Variants in VPS37A observed in about 807,000 individuals in gnomAD.
VPS37A encodes vacuolar protein sorting-associated protein 37A.
In VPS37A, 30 loss-of-function variants were observed where a neutral mutation model predicts 49.8. The ratio of observed to expected loss-of-function variants is 0.60; its 90% confidence interval spans 0.45 to 0.82. The LOEUF (loss-of-function observed/expected upper bound fraction) is 0.82. Ranked by LOEUF, VPS37A falls within the 40% of genes least tolerant of loss-of-function variation. The pLI, the probability that VPS37A is intolerant of heterozygous loss-of-function variation, is 0.00. For missense variants in VPS37A, 593 were observed against 464.4 expected, an observed-to-expected ratio of 1.28 and a Z score of -2.55; for synonymous variants, 195 against 160.6, an observed-to-expected ratio of 1.21 and a Z score of -1.62.
downstream of VPS37A, among the ~76,000 whole-genome samples, chr8:17,303,086 C>G (rs896208025): frequency 2.0e-5 from 3 of 152,006 alleles, no homozygotes; most frequent in African/African-American, 7.2e-5. Context: ...ACAGAGTTAC[C>G]CTTAGAACCA....
At chr8:17,300,040 G>A (rs1409525471), downstream of VPS37A, 3 of 1,614,010 alleles carry the variant, frequency 1.9e-6, no homozygotes, top group African/African-American at 2.7e-5. Context: ...TAGAATCAGA[G>A]CAGAATCTTC....
downstream of VPS37A, chr8:17,298,784 G>C (rs2246121): frequency 0.32 from 48,528 of 152,430 alleles, 10,241 homozygotes; most frequent in East Asian, 0.61. Context: ...TAAGATAGGG[G>C]AGGGACTCTC....
At chr8:17,247,555 C>A in intron 1 of VPS37A, 186 bp downstream of exon 1, 1 of 816,420 alleles carries the variant, frequency 1.2e-6, no homozygotes, top group Non-Finnish European at 2.0e-6. Flanking sequence ...CCGGACCCTC[C>A]CTGCCTCCTG....
chr8:17,327,152 A>G, the VPS37A span, among the ~76,000 whole-genome samples: 1 of 152,208 alleles, frequency 6.6e-6, no homozygotes, highest in Non-Finnish European at 1.5e-5. Flanking sequence ...CATGGATGCA[A>G]ACTTTTCTAT....
chr8:17,285,956 C>G (rs926907618), intron 10 of VPS37A, among the ~76,000 whole-genome samples: 2 of 152,160 alleles, frequency 1.3e-5, no homozygotes, highest in Non-Finnish European at 2.9e-5. Flanking sequence ...TCAACATTAG[C>G]TATCTTCAAC....
the VPS37A span, chr8:17,313,319 T>G: frequency 1.9e-6 from 3 of 1,612,986 alleles, no homozygotes; most frequent in Non-Finnish European, 2.5e-6. Flanking sequence ...CTGCATCCAT[T>G]ATGGCTTTAA....
At chr8:17,299,043 G>A (rs1319031403), downstream of VPS37A, 5 of 152,156 alleles carry the variant, frequency 3.3e-5, no homozygotes, top group Non-Finnish European at 7.4e-5. Flanking sequence ...AGATCAGGCT[G>A]GTGGCTGGCC....
the VPS37A span, among the ~76,000 whole-genome samples, chr8:17,332,413 T>C: frequency 1.3e-5 from 2 of 152,248 alleles, 1 homozygote; most frequent in South Asian, 4.1e-4. Flanking sequence ...AACCCATGAC[T>C]ATCTCAATAG....
intron 1 of VPS37A, among the ~76,000 whole-genome samples, chr8:17,256,103 A>G (rs1297204426): frequency 6.6e-6 from 1 of 151,580 alleles, no homozygotes; most frequent in Non-Finnish European, 1.5e-5. Flanking sequence ...TCAAGGTTCT[A>G]AAGGTGCAGA....
At chr8:17,267,004 C>G (rs144515271) in intron 2 of VPS37A, among the ~76,000 whole-genome samples, 4,645 of 152,140 alleles carry the variant, frequency 0.031, 113 homozygotes, top group Non-Finnish European at 0.048. Flanking sequence ...AACTCCTGAC[C>G]TCGTGATACA....
the VPS37A span, among the ~76,000 whole-genome samples, chr8:17,314,126 TTTTA>T: frequency 5.9e-5 from 9 of 152,202 alleles, no homozygotes; most frequent in African/African-American, 1.9e-4. Flanking sequence ...CAGGAGCTTC[TTTTA>T]TTTAACGTAA....
At chr8:17,254,956 G>A (rs895143559) in intron 1 of VPS37A, among the ~76,000 whole-genome samples, 5 of 151,982 alleles carry the variant, frequency 3.3e-5, no homozygotes, top group African/African-American at 9.7e-5. Context: ...ACCTATAAAC[G>A]TTACTTGAGT....
intron 4 of VPS37A, among the ~76,000 whole-genome samples, chr8:17,270,429 A>G (rs1222826376): frequency 1.3e-5 from 2 of 152,138 alleles, no homozygotes; most frequent in African/African-American, 2.4e-5. Context: ...TGATACATCT[A>G]TATGTGGCAT....
intron 9 of VPS37A, among the ~76,000 whole-genome samples, chr8:17,283,763 A>C (rs955447924): frequency 2.0e-5 from 3 of 152,184 alleles, no homozygotes; most frequent in Non-Finnish European, 4.4e-5. Context: ...TAGTAACTTG[A>C]CATGAGGAAA....
chr8:17,247,551 C>A, intron 1 of VPS37A, 182 bp downstream of exon 1: 1 of 838,176 alleles, frequency 1.2e-6, no homozygotes, highest in Admixed American at 2.1e-5. Flanking sequence ...TCCTCCGGAC[C>A]CTCCCTGCCT....
chr8:17,248,952 A>G (rs895686159), intron 1 of VPS37A, among the ~76,000 whole-genome samples: 7 of 152,240 alleles, frequency 4.6e-5, no homozygotes, highest in Non-Finnish European at 7.3e-5. Context: ...CTCACAAGGT[A>G]TGCTTATAAA....
At chr8:17,292,243 G>T (rs555068999) in intron 11 of VPS37A, among the ~76,000 whole-genome samples, 12 of 151,930 alleles carry the variant, frequency 7.9e-5, no homozygotes, top group African/African-American at 2.4e-4. Context: ...GTCTTTTTTG[G>T]TTTTTCTTGG....
the VPS37A span, among the ~76,000 whole-genome samples, chr8:17,327,161 A>G: frequency 1.3e-5 from 2 of 152,244 alleles, no homozygotes; most frequent in Non-Finnish European, 2.9e-5. Flanking sequence ...AAACTTTTCT[A>G]TCAAGAAGGT....
intron 11 of VPS37A, among the ~76,000 whole-genome samples, chr8:17,292,731 C>G (rs535204419): frequency 6.6e-6 from 1 of 152,238 alleles, no homozygotes; most frequent in East Asian, 1.9e-4. Context: ...CTTAGTTTGG[C>G]TGGATATGAA....
Sources: gnomAD v4.1 joint callset for allele counts (sites outside exome capture counted in the v4.1 genomes callset) on GRCh38, gnomAD v4.1.1 for gene constraint, MANE v1.5 for transcripts, NCBI Gene and HGNC (gene_info 2026-07-23, HGNC 2026-07-21) for gene names.